Variants in BAP1 observed in about 807,000 individuals in gnomAD.
The protein encoded by BAP1 is BRCA1 associated deubiquitinase 1, also known as ubiquitin carboxyl-terminal hydrolase BAP1.
Under a neutral mutation model 77.2 loss-of-function variants are expected in BAP1, and 16 were observed. The observed-to-expected ratio is 0.21, with a 90% CI of 0.14 to 0.31. The LOEUF (loss-of-function observed/expected upper bound fraction) is 0.31, where lower values mean the gene tolerates loss of function less well. Among genes scored for constraint, BAP1 ranks in the 10% least tolerant of loss-of-function variants. The pLI is 1.00. For missense variants in BAP1, 699 were observed against 967.3 expected, an observed-to-expected ratio of 0.72 and a Z score of 3.68; for synonymous variants, 362 against 385.2, an observed-to-expected ratio of 0.94 and a Z score of 0.71.
intron 10 of BAP1, 139 bp downstream of exon 10, chr3:52,405,626 G>T: frequency 7.4e-7 from 1 of 1,358,626 alleles, no homozygotes; most frequent in Non-Finnish European, 1.0e-6. Flanking sequence ...GGGAAGGACT[G>T]CTCTCCCTCT....
In BAP1 at chr3:52,403,977, C is replaced by G; in HGVS notation, c.1251-83G>C. On this transcript the variant is annotated intron_variant, in intron 12 of 16. Transcript: ENST00000460680. The surrounding 1 kb of genome is among the most constrained non-coding windows in gnomAD (Gnocchi z 4.0). ...GTACCCAGAATGGCTTAAATACATC[C>G]CGACCTCCAGGGGCTGACCCTAAAA... 7.0e-7 allele frequency: 1 copy of G among 1,431,338 alleles called. No homozygotes were observed. The highest frequency in any genetic ancestry group is 9.8e-7 in the Non-Finnish European group (1 of 1,025,024). 88.7% of individuals were successfully genotyped at this position (1,431,338 alleles called of 1,614,324 possible).
chr3:52,406,316 C>G lies in BAP1; in HGVS notation c.720G>C (p.Lys240Asn), dbSNP rs1379682858. 1 of 1,614,230 alleles carries G rather than the reference C, an allele frequency of 6.2e-7. No individual in the cohort carries two copies. The highest frequency in any genetic ancestry group is 8.5e-7 in the Non-Finnish European group (1 of 1,180,038). The stretch of plus-strand genomic sequence containing the variant: ...TCAGCACATGCAGCCTGGCCTCATA[C>G]TTGATCCTGCGGTCGGGCACCACTG... ...LMAVVPDRRI[K>N]YEARLHVLKV... The change falls in exon 9 of 17, where the codon AAG (lysine) becomes AAC (asparagine). Residue 240 changes from lysine to asparagine, a missense_variant. Physicochemically the swap from Lys to Asn is moderately conservative, Grantham distance 94. This residue lies in a region of BAP1 where 475 missense variants were observed against 532.4 expected (regional missense o/e 0.89). Coordinates refer to ENST00000460680, the MANE Select transcript of BAP1 (RefSeq NM_004656.4). This position sits in a 1 kb window ranked among gnomAD's most constrained non-coding sequence, Gnocchi z 4.6.
rs1553646502 is a variant in BAP1 at position 52,409,998 on chromosome 3, T to TC, written c.-121dup. The TC allele has an allele frequency of 7.0e-6, 10 of 1,426,268 alleles. No homozygotes were observed. The East Asian group carries it at 2.5e-4, about 35-fold the overall frequency. 88.4% of individuals were successfully genotyped at this position (1,426,268 alleles called of 1,614,324 possible). On this transcript the variant is annotated 5_prime_UTR_variant, in exon 1 of 17. Transcript: ENST00000460680. ...TCCCACACACAGACAACGGGCCCAG[T>TC]CGCGTCACCCGCCCGCGCCGGCGGC...
intron 4 of BAP1, 65 bp from the exon 5 acceptor site, chr3:52,408,142 A>C (rs1705225328): frequency 6.4e-7 from 1 of 1,559,330 alleles, no homozygotes; most frequent in South Asian, 1.2e-5. Flanking sequence ...GCCCATATAC[A>C]TCAAGAATGG....
chr3:52,407,564 C>T (rs553730456), intron 5 of BAP1, 104 bp from the exon 6 acceptor site: 23 of 1,501,204 alleles, frequency 1.5e-5, no homozygotes, highest in Non-Finnish European at 2.0e-5. Flanking sequence ...TTCCAGGAAT[C>T]GGAAGGAACA....
rs1467630034 is a variant in BAP1 at position 52,408,605 on chromosome 3, G to A, written c.124C>T (p.Pro42Ser). 1.2e-6 allele frequency: 2 copies of A among 1,608,914 alleles called. No homozygotes were observed. The highest frequency in any genetic ancestry group is 1.7e-6 in the Non-Finnish European group (2 of 1,177,884). ...AACAGGAAGATAAATCCATATACAG[G>A]GCTGGGGGAAGTAAGGGGCAGAGCC... ...IYDLQSKCQG[P>S]VYGFIFLFKW... Residue 42 changes from proline (P) to serine (S), a missense_variant and splice_region_variant, in exon 4 of 17, where the codon CCT becomes TCT. This residue lies in a region of BAP1 where 160 missense variants were observed against 322.8 expected (regional missense o/e 0.50). Transcript: ENST00000460680.
intron 6 of BAP1, 37 bp from the exon 7 acceptor site, chr3:52,407,353 C>T (rs773178889): frequency 5.6e-6 from 9 of 1,614,210 alleles, no homozygotes; most frequent in Non-Finnish European, 7.6e-6. Context: ...AAAAATGATA[C>T]TCCCCCTACT....
In BAP1 at chr3:52,403,288, C is replaced by G. The variant is rs1438648758; in HGVS notation, c.1740G>C (p.Lys580Asn). The change falls in exon 14 of 17, where the codon AAG (lysine) becomes AAC (asparagine). Residue 580 changes from lysine (K) to asparagine (N), a missense_variant. Physicochemically the swap from Lys to Asn is moderately conservative, Grantham distance 94 (BLOSUM62 0). Transcript: ENST00000460680. The surrounding 1 kb of genome is among the most constrained non-coding windows in gnomAD (Gnocchi z 4.0). ...LSPLALTEGG[K>N]GSSPSIRPIQ... is the part of the protein sequence containing the mutation. Reference sequence around the variant, plus strand: ...TTGGTCTGATGGAGGGCGAGGAACCCTTCCCACCCTCTGGGAAGAGAGGTC... The same window carrying G: ...TTGGTCTGATGGAGGGCGAGGAACCGTTCCCACCCTCTGGGAAGAGAGGTC... 8.1e-6 allele frequency: 13 copies of G among 1,613,922 alleles called. No individual in the cohort carries two copies. The highest frequency in any genetic ancestry group is 1.1e-5 in the Non-Finnish European group (13 of 1,180,040).
chr3:52,406,186 TG>T lies in BAP1; in HGVS notation c.783+66del. 2.5e-6 allele frequency: 4 copies of T among 1,589,724 alleles called. No homozygotes were observed. The Admixed American group carries it at 6.7e-5, about 27-fold the overall frequency. On this transcript the variant is annotated intron_variant, in intron 9 of 16. Transcript: ENST00000460680. This position sits in a 1 kb window ranked among gnomAD's most constrained non-coding sequence, Gnocchi z 4.6. Reference sequence around the variant, plus strand: ...GTTCACGAATCAGAGACAAATGCTGTGGGGGAAGGGAGGAGGAATGCAGGGA... The same window carrying T: ...GTTCACGAATCAGAGACAAATGCTGTGGGGAAGGGAGGAGGAATGCAGGGA...
chr3:52,403,141 G>A lies in BAP1; in HGVS notation c.1887C>T (p.Pro629=), dbSNP rs1253470807. The change falls in exon 14 of 17, where the codon CCC becomes CCT. Residue 629 remains proline (P), a synonymous_variant. Coordinates refer to ENST00000460680, the MANE Select transcript of BAP1 (RefSeq NM_004656.4). This position sits in a 1 kb window ranked among gnomAD's most constrained non-coding sequence, Gnocchi z 4.0. ...GEPLSGEKYS[P]KELLALLKCV... ...GAAAACCACAACGGAGGCTCACCTT[G>A]GGTGAGTATTTCTCCCCACTCAAGG... 4 of 1,613,274 alleles carry A rather than the reference G, an allele frequency of 2.5e-6. No homozygotes were observed. The highest frequency in any genetic ancestry group is 3.4e-6 in the Non-Finnish European group (4 of 1,180,014).
chr3:52,406,422 C>A lies in BAP1; in HGVS notation c.660-46G>T, dbSNP rs373236100. 1 of 1,608,552 alleles carries A rather than the reference C, an allele frequency of 6.2e-7. No homozygotes were observed. On this transcript the variant is annotated intron_variant, in intron 8 of 16. Coordinates refer to ENST00000460680, the MANE Select transcript of BAP1 (RefSeq NM_004656.4). This position sits in a 1 kb window ranked among gnomAD's most constrained non-coding sequence, Gnocchi z 4.6. ...GTGAGAGCAGCTCCCGCCCCGGCCC[C>A]GCCATCAGGTTGAGGCAGATATCCT...
intron 11 of BAP1, among the ~76,000 whole-genome samples, chr3:52,404,795 G>C (rs1416495081): frequency 6.6e-6 from 1 of 152,196 alleles, no homozygotes; most frequent in African/African-American, 2.4e-5. Flanking sequence ...AAGAGAAACA[G>C]AGTGCCCTGA....
rs762812608 is a variant in BAP1, at chr3:52,409,746, G to C, written c.38-3C>G. ...TTCCACGAGCAGGGTGAAGAGGCCT[G>C]GGTGGGGCGACAAGAGGAGGGGGTG... On this transcript the variant is annotated splice_polypyrimidine_tract_variant and splice_region_variant and intron_variant, in intron 1 of 16. Coordinates refer to ENST00000460680, the MANE Select transcript of BAP1 (RefSeq NM_004656.4). The C allele has an allele frequency of 6.2e-7, 1 of 1,613,956 alleles. No individual in the cohort carries two copies. The highest frequency in any genetic ancestry group is 1.7e-5 in the Admixed American group (1 of 60,030).
At position 52,402,979 on chromosome 3, in the gene BAP1, G is replaced by C; in HGVS notation, c.1891-108C>G. ...TGAGCAGCGAGTCCATGCCTATCAA[G>C]GCCCCTGCCACCACCCAACCCAGAA... is the stretch of plus-strand genomic sequence containing the variant. On this transcript the variant is annotated intron_variant, in intron 14 of 16. Transcript: ENST00000460680. This position sits in a 1 kb window ranked among gnomAD's most constrained non-coding sequence, Gnocchi z 5.3. The C allele has an allele frequency of 1.2e-6, 2 of 1,600,972 alleles. No homozygotes were observed. Among genetic ancestry groups the C allele is most frequent in the Non-Finnish European group, 1.7e-6 (2 of 1,178,020 alleles).
rs746045584 is a variant in BAP1 at position 52,405,858 on chromosome 3, G to T, written c.838C>A (p.Gln280Lys). ...LIQTHKSQES[Q>K]LPEESKSASN... ...GCTGACTTGGACTCCTCAGGCAGCT[G>T]TGACTCTTGAGACTTGTGGGTCTGA... Residue 280 changes from glutamine (Q) to lysine (K), a missense_variant, in exon 10 of 17, where the codon CAG becomes AAG. By Grantham distance (53) the Gln-to-Lys change is moderately conservative (BLOSUM62 1). This residue lies in a region of BAP1 where 475 missense variants were observed against 532.4 expected (regional missense o/e 0.89). Transcript: ENST00000460680. The T allele has an allele frequency of 1.4e-5, 23 of 1,614,130 alleles. No individual in the cohort carries two copies. The Admixed American group carries it at 3.7e-4, about 26-fold the overall frequency.
intron 3 of BAP1, 58 bp downstream of exon 3, chr3:52,409,496 C>T (rs2153228470): frequency 1.2e-6 from 2 of 1,607,494 alleles, no homozygotes; most frequent in East Asian, 4.5e-5. Flanking sequence ...GCCCTGTTCT[C>T]TGGGACCTTC....
rs371637639 is a variant in BAP1 at position 52,402,910 on chromosome 3, C to G, written c.1891-39G>C. On this transcript the variant is annotated intron_variant, in intron 14 of 16. Coordinates refer to ENST00000460680, the MANE Select transcript of BAP1 (RefSeq NM_004656.4). This position sits in a 1 kb window ranked among gnomAD's most constrained non-coding sequence, Gnocchi z 5.3. ...GCATTGCACCTCTGATCGGGGCGGGCCAGCAACAAAGCCCCACGAGCAATA... is the reference window on the plus strand; with the variant it reads ...GCATTGCACCTCTGATCGGGGCGGGGCAGCAACAAAGCCCCACGAGCAATA... The G allele has an allele frequency of 4.9e-4, 789 of 1,613,522 alleles. 1 individual carries two copies. Among genetic ancestry groups the G allele is most frequent in the Non-Finnish European group, 6.1e-4 (718 of 1,180,050 alleles).
Position 52,406,625 on chromosome 3 carries a change from G to C in BAP1, c.659+204C>G, listed in dbSNP as rs1705168037. The C allele has an allele frequency of 1.2e-6, 1 of 858,254 alleles. No homozygotes were observed. Among genetic ancestry groups the C allele is most frequent in the Admixed American group, 2.2e-5 (1 of 45,666 alleles). The allele number at this position is 858,254 out of a possible 1,614,324, so 53.2% of individuals were successfully genotyped here. The stretch of plus-strand genomic sequence containing the variant: ...GCTGCCTAAGGCTCCACTGAGGCCT[G>C]CCCCTCCCCCAGCCCACCCAGGAGC... On this transcript the variant is annotated intron_variant, in intron 8 of 16. Transcript: ENST00000460680. The surrounding 1 kb of genome is among the most constrained non-coding windows in gnomAD (Gnocchi z 4.6).
intron 5 of BAP1, 64 bp from the exon 6 acceptor site, chr3:52,407,524 G>T: frequency 5.0e-6 from 8 of 1,606,596 alleles, no homozygotes; most frequent in Non-Finnish European, 6.8e-6. Context: ...ATGGGTGGAA[G>T]GCAAAGCTTC....
Sources: allele counts gnomAD v4.1 joint callset (sites outside exome capture counted in the v4.1 genomes callset), GRCh38; gene constraint gnomAD v4.1.1; regional missense constraint gnomAD v4.1.1; non-coding constraint Gnocchi (gnomAD v3.1); transcripts MANE v1.5; gene names NCBI Gene and HGNC (gene_info 2026-07-23, HGNC 2026-07-21).